DPP3: variants seen among roughly 807,000 people sequenced by gnomAD.
The protein encoded by DPP3 is dipeptidyl peptidase 3.
A neutral mutation model predicts 89.8 loss-of-function variants in DPP3; 64 were observed. The observed-to-expected ratio is 0.71, with a 90% CI of 0.58 to 0.88. The LOEUF (loss-of-function observed/expected upper bound fraction) is 0.88, where lower values mean the gene tolerates loss of function less well. DPP3 is among the 40% of genes least tolerant of loss of function. The probability of loss-of-function intolerance (pLI) is 0.00; values close to 1 mark genes in which losing one functional copy is unlikely to be tolerated. For missense variants in DPP3, 835 were observed against 972.5 expected (o/e 0.86, Z 1.88); for synonymous variants, 377 against 404.3 (o/e 0.93, Z 0.81).
At chr11:66,504,930 T>A in intron 17 of DPP3, 156 bp downstream of exon 17, 1 of 717,014 alleles carries the variant, frequency 1.4e-6, no homozygotes, top group Middle Eastern at 4.3e-4. Context: ...ATGCCAAACC[T>A]CAGGCCCTTA....
chr11:66,482,761 A>G, intron 2 of DPP3, among the ~76,000 whole-genome samples: 1 of 152,030 alleles, frequency 6.6e-6, no homozygotes, highest in African/African-American at 2.4e-5. Context: ...CAGGGAAGGC[A>G]GAAGAAGGAG....
intron 16 of DPP3, among the ~76,000 whole-genome samples, chr11:66,503,366 A>G (rs1031910400): frequency 6.6e-6 from 1 of 152,206 alleles, no homozygotes; most frequent in South Asian, 2.1e-4. Context: ...TTTTGTGGGC[A>G]TTTACTCTAT....
At chr11:66,484,783 A>T (rs1855177431) in intron 2 of DPP3, among the ~76,000 whole-genome samples, 3 of 150,976 alleles carry the variant, frequency 2.0e-5, no homozygotes, top group African/African-American at 7.3e-5. Context: ...CTAACATGTG[A>T]TGCTTCCAAG....
At chr11:66,485,332 A>T in intron 3 of DPP3, 70 bp downstream of exon 3, 1 of 1,458,592 alleles carries the variant, frequency 6.9e-7, no homozygotes, top group Non-Finnish European at 9.5e-7. Context: ...AATGCAGTAG[A>T]AGGAGCCCCA....
chr11:66,509,156 G>T lies in DPP3; in HGVS notation c.2119G>T (p.Asp707Tyr), dbSNP rs145548287. The T allele has an allele frequency of 6.2e-7, 1 of 1,614,196 alleles. No homozygotes were observed. Among genetic ancestry groups the T allele is most frequent in the Non-Finnish European group, 8.5e-7 (1 of 1,180,036 alleles). ...ATCCTTCTCTGAGCGTTTCCCAGAGGATGGACCCGAGTTGGAGGAGATCCT... is the reference window on the plus strand; with the variant it reads ...ATCCTTCTCTGAGCGTTTCCCAGAGTATGGACCCGAGTTGGAGGAGATCCT... ...IRSFSERFPE[D>Y]GPELEEILTQ... Residue 707 changes from aspartate to tyrosine, a missense_variant, in exon 18 of 18, where the codon GAT becomes TAT. Coordinates refer to ENST00000531863, the MANE Select transcript of DPP3 (RefSeq NM_130443.4).
chr11:66,486,588 C>T lies in DPP3; in HGVS notation c.409C>T (p.Pro137Ser), dbSNP rs765071866. 2.5e-6 allele frequency: 4 copies of T among 1,581,364 alleles called. No individual in the cohort carries two copies. Among genetic ancestry groups the T allele is most frequent in the Non-Finnish European group, 2.6e-6 (3 of 1,163,594 alleles). Residue 137 changes from proline to serine, a missense_variant, in exon 4 of 18, where the codon CCA (proline) becomes TCA (serine). Physicochemically the swap from Pro to Ser is moderately conservative, Grantham distance 74 (BLOSUM62 -1). Transcript: ENST00000531863. ...ILGSEAAQQH[P>S]EEVRGLWQTC... ...AGGGAGTGAGGCTGCTCAGCAGCAC[C>T]CAGAAGAAGTCAGGGGCCTCTGGCA...
Position 66,495,475 on chromosome 11 carries a change from C to T in DPP3, c.1563C>T (p.His521=). 6.2e-7 allele frequency: 1 copy of T among 1,611,562 alleles called. No homozygotes were observed. Among genetic ancestry groups the T allele is most frequent in the Non-Finnish European group, 8.5e-7 (1 of 1,178,614 alleles). The part of the protein sequence containing the change: ...AESVGLYLCL[H]PQVLEIFGFE... ...GCGTGGGTCTCTACCTCTGTCTCCA[C>T]CCGCAAGTGCTGGAGTAAGAGCAGC... Residue 521 remains histidine (H), a synonymous_variant, in exon 14 of 18, where the codon CAC becomes CAT. Transcript: ENST00000531863.
rs201848307 is a variant in DPP3, at chr11:66,495,349, G to A, written c.1453-16G>A. ...CAGTGGCCACCTTAAGCCCGACAGT[G>A]GAGCTCCTTTTCCAGATTCAGAGCT... On this transcript the variant is annotated splice_polypyrimidine_tract_variant and intron_variant, in intron 13 of 17. Coordinates refer to ENST00000531863, the MANE Select transcript of DPP3 (RefSeq NM_130443.4). 3.8e-4 allele frequency: 606 copies of A among 1,613,736 alleles called. No individual in the cohort carries two copies. The highest frequency in any genetic ancestry group is 4.5e-4 in the Non-Finnish European group (530 of 1,179,864).
rs1303241658 is a variant in DPP3, at chr11:66,509,311, T to C, written c.*60T>C. The C allele has an allele frequency of 1.7e-5, 26 of 1,557,928 alleles. No homozygotes were observed. Among genetic ancestry groups the C allele is most frequent in the Non-Finnish European group, 2.1e-5 (24 of 1,150,324 alleles). ...ACCAAGGCTGCAAGTGGCCCTCCAT[T>C]CGTGTGTGTATTTAGGGGCTGGGGA... On this transcript the variant is annotated 3_prime_UTR_variant, in exon 18 of 18. Transcript: ENST00000531863.
At chr11:66,490,868 C>G (rs1037369284) in intron 6 of DPP3, among the ~76,000 whole-genome samples, 1 of 150,492 alleles carries the variant, frequency 6.6e-6, no homozygotes, top group African/African-American at 2.5e-5. Flanking sequence ...CTCCCGGGTT[C>G]AAGCGATTCT....
chr11:66,503,562 C>G lies in DPP3; in HGVS notation c.1879-1050C>G, dbSNP rs149862888. Among the ~76,000 whole-genome samples, 258 of 152,160 alleles carry G rather than the reference C, an allele frequency of 1.7e-3. 3 individuals are homozygous for G. The highest frequency in any genetic ancestry group is 6.0e-3 in the African/African-American group (249 of 41,514). On this transcript the variant is annotated intron_variant, in intron 16 of 17. Coordinates refer to ENST00000531863, the MANE Select transcript of DPP3 (RefSeq NM_130443.4). ...GTCTGTCTTGTGCTGTTGTAACACA[C>G]CAAAAATACCAGAGGCTGGGTGATT... is the stretch of plus-strand genomic sequence containing the variant.
intron 16 of DPP3, 96 bp downstream of exon 16, chr11:66,497,573 T>C: frequency 6.9e-7 from 1 of 1,457,032 alleles, no homozygotes; most frequent in Non-Finnish European, 9.1e-7. Flanking sequence ...AGCAGTTTCT[T>C]ATGCTGCAGT....
chr11:66,494,315 T>G (rs1590739782), intron 12 of DPP3, among the ~76,000 whole-genome samples: 1 of 151,316 alleles, frequency 6.6e-6, no homozygotes, highest in African/African-American at 2.4e-5. Context: ...GAGGGCGGGG[T>G]TCTGGGTGGG....
chr11:66,480,509 C>T (rs1357000336), intron 1 of DPP3, 44 bp downstream of exon 1: 18 of 1,471,756 alleles, frequency 1.2e-5, no homozygotes, highest in Non-Finnish European at 1.5e-5. Flanking sequence ...GCGTGTCATC[C>T]CGGGGGACCA....
intron 16 of DPP3, among the ~76,000 whole-genome samples, chr11:66,499,011 TAAAAGA>T (rs937477272): frequency 8.6e-5 from 13 of 151,450 alleles, no homozygotes; most frequent in Admixed American, 3.9e-4. Context: ...ATTCTGTCTC[TAAAAGA>T]AAAAGAAAAG....
rs1278686471 is a variant in DPP3 at position 66,483,028 on chromosome 11, TTTTTA to T, written c.270+563_270+567del. The T allele has an allele frequency of 7.9e-5, 12 of 151,052 alleles. No individual in the cohort carries two copies. In the South Asian group the frequency reaches 8.3e-4, roughly 10 times the overall value. The allele number at this position is 151,052 out of a possible 1,614,324, so 9.4% of individuals were successfully genotyped here. A position where few individuals can be genotyped will look rare whatever the true frequency, so the allele number is the denominator to read the frequency against. ...CCTTTTCTTTCTCTCTCTTTTTTAT[TTTTTA>T]TTTTTTTTTTGTGACAGAGTCTCAT... On this transcript the variant is annotated intron_variant, in intron 2 of 17. Transcript: ENST00000531863.
At chr11:66,502,545 C>G (rs1418716367) in intron 16 of DPP3, among the ~76,000 whole-genome samples, 1 of 151,674 alleles carries the variant, frequency 6.6e-6, no homozygotes, top group Non-Finnish European at 1.5e-5. Flanking sequence ...TCTCAGCTCA[C>G]TGCAAGCTCC....
intron 11 of DPP3, 41 bp from the exon 12 acceptor site, chr11:66,493,500 G>T (rs774193155): frequency 6.2e-7 from 1 of 1,602,188 alleles, no homozygotes; most frequent in East Asian, 2.2e-5. Flanking sequence ...TATAGCCAGG[G>T]CTGGCCAGTG....
chr11:66,498,449 G>A (rs984671691), intron 16 of DPP3, among the ~76,000 whole-genome samples: 2 of 152,030 alleles, frequency 1.3e-5, no homozygotes, highest in South Asian at 2.1e-4. Flanking sequence ...GGCTTGTCTC[G>A]AACTCCTGAC....
Sources: allele counts gnomAD v4.1 joint callset (sites outside exome capture counted in the v4.1 genomes callset), GRCh38; gene constraint gnomAD v4.1.1; transcripts MANE v1.5; gene names NCBI Gene and HGNC (gene_info 2026-07-23, HGNC 2026-07-21).